TRMO: variants seen among roughly 807,000 people sequenced by gnomAD.
TRMO encodes the protein tRNA (adenine(37)-N6)-methyltransferase.
A neutral mutation model predicts 37.2 loss-of-function variants in TRMO; 30 were observed. That is an observed-to-expected ratio of 0.81 (90% CI 0.60 to 1.09). The LOEUF (loss-of-function observed/expected upper bound fraction) is 1.09, where lower values mean the gene tolerates loss of function less well. TRMO is among the 50% of genes least tolerant of loss of function. TRMO has a pLI of 0.00. For synonymous variants in TRMO, 239 were observed against 199.4 expected, an observed-to-expected ratio of 1.20 and a Z score of -1.67; for missense variants, 552 against 549.5, an observed-to-expected ratio of 1.00 and a Z score of -0.05.
intron 2 of TRMO, chr9:97,915,899 G>A: frequency 3.6e-6 from 1 of 279,826 alleles, no homozygotes; most frequent in Non-Finnish European, 6.6e-6. Context: ...GAATTAGCCA[G>A]GCATGGTGGC....
chr9:97,906,005 C>G (rs1340450658), intron 4 of TRMO, among the ~76,000 whole-genome samples: 3 of 151,816 alleles, frequency 2.0e-5, no homozygotes, highest in Non-Finnish European at 4.4e-5. Context: ...AATACACACA[C>G]ACAAAAAAAT....
downstream of TRMO, among the ~76,000 whole-genome samples, chr9:97,900,417 C>A (rs114759413): frequency 0.013 from 1,926 of 152,326 alleles, 49 homozygotes; most frequent in African/African-American, 0.045. Flanking sequence ...CCAGGAGGTT[C>A]CATGCAGATC....
chr9:97,913,976 T>C (rs1826244593), intron 2 of TRMO: 1 of 155,948 alleles, frequency 6.4e-6, no homozygotes, highest in African/African-American at 2.4e-5. Context: ...AAATGTTAAA[T>C]ACCTTTACCA....
At chr9:97,912,387 G>A (rs1170823047) in intron 3 of TRMO, 1 of 154,814 alleles carries the variant, frequency 6.5e-6, no homozygotes. Context: ...CACATATTCA[G>A]TGCTAGAAAA....
chr9:97,908,432 T>G (rs1053273552), intron 4 of TRMO, among the ~76,000 whole-genome samples: 5 of 100,120 alleles, frequency 5.0e-5, no homozygotes, highest in African/African-American at 2.0e-4. Flanking sequence ...AAAAAAAAAA[T>G]CAAAATATTA....
At chr9:97,920,037 G>A (rs1035330286) in intron 1 of TRMO, among the ~76,000 whole-genome samples, 2 of 152,168 alleles carry the variant, frequency 1.3e-5, no homozygotes, top group Non-Finnish European at 2.9e-5. Flanking sequence ...AAATATAAAT[G>A]CTATTTGAAG....
intron 4 of TRMO, among the ~76,000 whole-genome samples, chr9:97,907,200 T>C (rs1191006491): frequency 6.6e-6 from 1 of 152,208 alleles, no homozygotes; most frequent in Non-Finnish European, 1.5e-5. Flanking sequence ...GGGGGTGCCC[T>C]GCATACGGCA....
intron 4 of TRMO, among the ~76,000 whole-genome samples, chr9:97,909,450 T>C (rs1826008547): frequency 6.6e-6 from 1 of 152,188 alleles, no homozygotes; most frequent in Non-Finnish European, 1.5e-5. Context: ...CCTCTAGCAG[T>C]GGGACTTTGT....
At position 97,910,006 on chromosome 9, in the gene TRMO, C is replaced by A; in HGVS notation, c.1020G>T (p.Arg340=). 1 of 1,588,292 alleles carries A rather than the reference C, an allele frequency of 6.3e-7. No individual in the cohort carries two copies. Residue 340 remains arginine (R), a synonymous_variant, in exon 4 of 5, where the codon CGG becomes CGT. Coordinates refer to ENST00000375119, the MANE Select transcript of TRMO (RefSeq NM_016481.5). ...GGTCCATCTCGGCATGAGGAGTAAA[C>A]CGCACTTCTAAAGTGGCCACAGGAG... ...TEAPVATLEV[R]FTPHAEMDLG... is the part of the protein sequence containing the mutation.
At chr9:97,900,161 G>A (rs1355620042), downstream of TRMO, among the ~76,000 whole-genome samples, 2 of 152,246 alleles carry the variant, frequency 1.3e-5, no homozygotes, top group Admixed American at 1.3e-4. Flanking sequence ...AGCCAGAACA[G>A]AGTGGTAGAA....
intron 4 of TRMO, among the ~76,000 whole-genome samples, chr9:97,908,772 G>GT (rs1180466417): frequency 2.0e-5 from 3 of 152,152 alleles, no homozygotes; most frequent in Admixed American, 2.0e-4. Context: ...GACAGCAGGG[G>GT]TTTTTTATAT....
At chr9:97,897,930 T>C in the TRMO span, among the ~76,000 whole-genome samples, 4 of 152,172 alleles carry the variant, frequency 2.6e-5, no homozygotes, top group African/African-American at 9.7e-5. Flanking sequence ...GATCATAGCT[T>C]TGAACTCCTT....
At chr9:97,900,797 C>A, downstream of TRMO, 1 of 930,714 alleles carries the variant, frequency 1.1e-6, no homozygotes, top group South Asian at 4.9e-5. Flanking sequence ...TTTAAAAACC[C>A]TACCAACAAG....
chr9:97,898,002 C>G, the TRMO span, among the ~76,000 whole-genome samples: 51 of 152,150 alleles, frequency 3.4e-4, no homozygotes, highest in African/African-American at 1.2e-3. Context: ...TAACTGGGAC[C>G]ATAGGCACAC....
At chr9:97,913,353 G>C in intron 3 of TRMO, 48 bp downstream of exon 3, 2 of 1,609,998 alleles carry the variant, frequency 1.2e-6, no homozygotes. Flanking sequence ...ATTTTATAAG[G>C]CTTTTTTGGG....
At chr9:97,899,034 T>C in the TRMO span, among the ~76,000 whole-genome samples, 2 of 151,692 alleles carry the variant, frequency 1.3e-5, no homozygotes, top group African/African-American at 4.8e-5. Flanking sequence ...GAGACGGGGT[T>C]TCACCACGTT....
At chr9:97,897,463 C>T in the TRMO span, among the ~76,000 whole-genome samples, 4 of 152,116 alleles carry the variant, frequency 2.6e-5, no homozygotes, top group Admixed American at 2.0e-4. Flanking sequence ...AATGTAAAGA[C>T]CAATCTTAGA....
At chr9:97,900,429 T>C (rs1831143752), downstream of TRMO, among the ~76,000 whole-genome samples, 1 of 152,250 alleles carries the variant, frequency 6.6e-6, no homozygotes, top group South Asian at 2.1e-4. Context: ...ATGCAGATCC[T>C]GTGGGAATGG....
downstream of TRMO, among the ~76,000 whole-genome samples, chr9:97,903,171 G>C (rs1202480283): frequency 6.6e-6 from 1 of 152,044 alleles, no homozygotes; most frequent in Non-Finnish European, 1.5e-5. Context: ...AGGAAGGTGA[G>C]GTGGGAGGAT....
Sources: gnomAD v4.1 joint callset for allele counts (sites outside exome capture counted in the v4.1 genomes callset) on GRCh38, gnomAD v4.1.1 for gene constraint, MANE v1.5 for transcripts, NCBI Gene and HGNC (gene_info 2026-07-23, HGNC 2026-07-21) for gene names.